The following DIAPH3 variants were observed in gnomAD, a reference collection of about 807,000 sequenced individuals.
The protein encoded by DIAPH3 is diaphanous related formin 3, also known as protein diaphanous homolog 3.
DIAPH3 carries 117 observed loss-of-function variants against 144.3 expected under a neutral mutation model. That is an observed-to-expected ratio of 0.81 (90% CI 0.70 to 0.95). The LOEUF is 0.95. Ranked by LOEUF, DIAPH3 falls within the 40% of genes least tolerant of loss-of-function variation. The pLI is 0.00. For synonymous variants in DIAPH3, 519 were observed against 488.9 expected (o/e 1.06, Z -0.81); for missense variants, 1,421 against 1,412.7 (o/e 1.01, Z -0.09).
intron 27 of DIAPH3, among the ~76,000 whole-genome samples, chr13:59,687,131 G>C (rs532892180): frequency 6.6e-6 from 1 of 152,250 alleles, no homozygotes; most frequent in South Asian, 2.1e-4. Context: ...AGAAGCAGCA[G>C]ACTCAGTGCA....
chr13:59,697,588 C>T (rs2033887303), intron 27 of DIAPH3, among the ~76,000 whole-genome samples: 1 of 148,468 alleles, frequency 6.7e-6, no homozygotes, highest in Non-Finnish European at 1.5e-5. Flanking sequence ...TGTGGATGGT[C>T]ATTAAGTCAT....
chr13:59,983,720 A>G (rs963545412), intron 13 of DIAPH3, 49 bp downstream of exon 13: 40 of 1,293,372 alleles, frequency 3.1e-5, no homozygotes, highest in Non-Finnish European at 4.4e-5. Flanking sequence ...GAGCTCATTC[A>G]TAGAATAAGA....
At chr13:59,739,285 T>A (rs1033958660) in intron 27 of DIAPH3, among the ~76,000 whole-genome samples, 1 of 152,214 alleles carries the variant, frequency 6.6e-6, no homozygotes, top group Non-Finnish European at 1.5e-5. Flanking sequence ...GTATTTGGCA[T>A]CCTAATACTG....
Position 59,825,874 on chromosome 13 carries a change from A to T in DIAPH3, c.3027+7233T>A, listed in dbSNP as rs866573816. Among the ~76,000 whole-genome samples, 62 of 152,266 alleles carry T rather than the reference A, an allele frequency of 4.1e-4. No homozygotes were observed. The Middle Eastern group carries it at 0.01, about 25-fold the overall frequency. On this transcript the variant is annotated intron_variant, in intron 24 of 27. Coordinates refer to ENST00000400324, the MANE Select transcript of DIAPH3 (RefSeq NM_001042517.2). ...TGTTCATATCCTTCAAGGCTGGTTC[A>T]ATATATGCAAATCAATAAATGTAAT...
At chr13:59,798,347 CA>C (rs560552451) in intron 25 of DIAPH3, among the ~76,000 whole-genome samples, 4 of 149,242 alleles carry the variant, frequency 2.7e-5, no homozygotes, top group Non-Finnish European at 4.5e-5. Context: ...CAAAATAAAG[CA>C]AAAAAAAAAT....
At chr13:59,955,089 T>C (rs200958289) in intron 17 of DIAPH3, among the ~76,000 whole-genome samples, 2 of 141,074 alleles carry the variant, frequency 1.4e-5, no homozygotes, top group South Asian at 2.4e-4. Context: ...TGTATATATA[T>C]ATATACATGT....
At chr13:59,806,168 G>A (rs1216427884) in intron 25 of DIAPH3, among the ~76,000 whole-genome samples, 2 of 151,910 alleles carry the variant, frequency 1.3e-5, no homozygotes, top group Admixed American at 6.6e-5. Flanking sequence ...ATGAAAATAA[G>A]CTAAAACAAA....
intron 4 of DIAPH3, among the ~76,000 whole-genome samples, chr13:60,060,683 G>A (rs1389936787): frequency 6.6e-6 from 1 of 152,002 alleles, no homozygotes; most frequent in Non-Finnish European, 1.5e-5. Context: ...AGAATCCTGG[G>A]CACTATTATG....
intron 27 of DIAPH3, among the ~76,000 whole-genome samples, chr13:59,752,778 T>G (rs560883260): frequency 6.3e-4 from 96 of 152,320 alleles, no homozygotes; most frequent in Non-Finnish European, 9.6e-4. Flanking sequence ...AATATTTAAT[T>G]TAATCATTCA....
intron 4 of DIAPH3, among the ~76,000 whole-genome samples, chr13:60,049,982 G>C (rs530794451): frequency 6.6e-6 from 1 of 152,294 alleles, no homozygotes; most frequent in East Asian, 1.9e-4. Context: ...TAGAGGCCAG[G>C]AGTTTGAAAA....
chr13:59,983,628 T>G, intron 13 of DIAPH3, 141 bp downstream of exon 13: 1 of 614,244 alleles, frequency 1.6e-6, no homozygotes. Context: ...AGGCGAATAA[T>G]GTTTTTGTGC....
At chr13:59,742,221 C>T (rs1738210869) in intron 27 of DIAPH3, among the ~76,000 whole-genome samples, 1 of 152,062 alleles carries the variant, frequency 6.6e-6, no homozygotes, top group Non-Finnish European at 1.5e-5. Context: ...GGGATTATTA[C>T]AATTCAAGGT....
chr13:60,145,387 C>T (rs1422913746), intron 1 of DIAPH3, among the ~76,000 whole-genome samples: 1 of 152,256 alleles, frequency 6.6e-6, no homozygotes, highest in East Asian at 1.9e-4. Flanking sequence ...CGCAGTGGCT[C>T]ACGCCTGTAA....
chr13:59,780,549 A>G (rs1479315000), intron 25 of DIAPH3, among the ~76,000 whole-genome samples: 1 of 152,186 alleles, frequency 6.6e-6, no homozygotes, highest in Admixed American at 6.5e-5. Flanking sequence ...ACTAACTGCA[A>G]AAGTCAAAGA....
At chr13:59,672,758 A>G (rs2032447144) in intron 27 of DIAPH3, among the ~76,000 whole-genome samples, 1 of 152,212 alleles carries the variant, frequency 6.6e-6, no homozygotes, top group Admixed American at 6.5e-5. Flanking sequence ...TATTGAAAAT[A>G]TATAAAAATA....
At chr13:59,891,343 A>G (rs1360703971) in intron 20 of DIAPH3, among the ~76,000 whole-genome samples, 2 of 152,008 alleles carry the variant, frequency 1.3e-5, no homozygotes, top group Non-Finnish European at 2.9e-5. Flanking sequence ...GTTTTTCCAA[A>G]TGAAAGAAAT....
intron 20 of DIAPH3, among the ~76,000 whole-genome samples, chr13:59,907,275 G>C (rs1331452212): frequency 1.3e-5 from 2 of 152,086 alleles, no homozygotes; most frequent in Non-Finnish European, 2.9e-5. Context: ...AGTATTCAGT[G>C]TCCTCTGCCC....
At chr13:59,916,562 T>C (rs537735394) in intron 18 of DIAPH3, among the ~76,000 whole-genome samples, 13 of 152,174 alleles carry the variant, frequency 8.5e-5, no homozygotes, top group African/African-American at 2.9e-4. Context: ...AAAAATGAAA[T>C]AAGGTACACT....
intron 12 of DIAPH3, among the ~76,000 whole-genome samples, chr13:59,989,307 CA>C (rs1013415319): frequency 6.6e-6 from 1 of 151,242 alleles, no homozygotes; most frequent in Non-Finnish European, 1.5e-5. Flanking sequence ...AAATGCATGA[CA>C]AAAATATATG....
Sources: allele counts gnomAD v4.1 joint callset (sites outside exome capture counted in the v4.1 genomes callset), GRCh38; gene constraint gnomAD v4.1.1; transcripts MANE v1.5; gene names NCBI Gene and HGNC (gene_info 2026-07-23, HGNC 2026-07-21).